SPATA6L: variants seen among roughly 807,000 people sequenced by gnomAD.
SPATA6L encodes spermatogenesis associated 6-like protein.
A neutral mutation model predicts 49.2 loss-of-function variants in SPATA6L; 68 were observed. The ratio of observed to expected loss-of-function variants is 1.38; its 90% CI spans 1.14 to 1.69. SPATA6L has a LOEUF of 1.69. Among genes scored for constraint, SPATA6L ranks in the 40% most tolerant of loss-of-function variants. The pLI is 0.00. For synonymous variants in SPATA6L, 198 were observed against 165.7 expected (o/e 1.19, Z -1.50); for missense variants, 668 against 464.3 (o/e 1.44, Z -4.03).
intron 3 of SPATA6L, among the ~76,000 whole-genome samples, chr9:4,637,463 C>G (rs185293297): frequency 1.3e-5 from 2 of 152,306 alleles, no homozygotes; most frequent in East Asian, 3.9e-4. Context: ...CTGCTTCCAT[C>G]AAGGCTCCAT....
At chr9:4,665,598 A>G (rs1840742174) in intron 1 of SPATA6L, among the ~76,000 whole-genome samples, 1 of 152,226 alleles carries the variant, frequency 6.6e-6, no homozygotes, top group South Asian at 2.1e-4. Flanking sequence ...TCTGTTACTA[A>G]CTACATGGAA....
chr9:4,609,968 G>A (rs1313742627), intron 9 of SPATA6L, among the ~76,000 whole-genome samples: 2 of 151,946 alleles, frequency 1.3e-5, no homozygotes, highest in African/African-American at 4.8e-5. Context: ...CAAAATCAAT[G>A]TACAAAAATC....
At position 4,662,513 on chromosome 9, in the gene SPATA6L, C is replaced by T; in HGVS notation, c.40-477G>A. On this transcript the variant is annotated intron_variant, in intron 1 of 11. Coordinates refer to ENST00000682582, the MANE Select transcript of SPATA6L (RefSeq NM_001353486.2). The surrounding 1 kb of genome is among the most constrained non-coding windows in gnomAD (Gnocchi z 4.9). Reference sequence around the variant, plus strand: ...TTGAGTTCCAGTCCCTGCTCAGCAGCCGCGCCACGGCCGTGGACCCCACCT... The same window carrying T: ...TTGAGTTCCAGTCCCTGCTCAGCAGTCGCGCCACGGCCGTGGACCCCACCT... The T allele has an allele frequency of 6.4e-7, 1 of 1,560,322 alleles. No homozygotes were observed. Among genetic ancestry groups the T allele is most frequent in the East Asian group, 2.3e-5 (1 of 43,374 alleles).
downstream of SPATA6L, among the ~76,000 whole-genome samples, chr9:4,597,460 C>A (rs2129972750): frequency 6.6e-6 from 1 of 152,196 alleles, no homozygotes; most frequent in Admixed American, 6.5e-5. Flanking sequence ...AGAAACTCCT[C>A]ATTTTGTTGA....
At chr9:4,631,230 T>TCCC (rs1831471251) in intron 4 of SPATA6L, among the ~76,000 whole-genome samples, 1 of 152,202 alleles carries the variant, frequency 6.6e-6, no homozygotes, top group African/African-American at 2.4e-5. Context: ...CCAGTCTCCT[T>TCCC]ACCAATGGAA....
chr9:4,611,922 C>T (rs191151251), intron 9 of SPATA6L, among the ~76,000 whole-genome samples: 66 of 152,112 alleles, frequency 4.3e-4, no homozygotes, highest in South Asian at 4.1e-4. Context: ...TAGCTCACTG[C>T]AACCTTGAAC....
intron 3 of SPATA6L, among the ~76,000 whole-genome samples, chr9:4,638,319 C>G (rs1024962901): frequency 1.3e-5 from 2 of 152,088 alleles, no homozygotes; most frequent in Non-Finnish European, 2.9e-5. Context: ...TCAAGTGATT[C>G]TCTTGCCTCA....
intron 2 of SPATA6L, among the ~76,000 whole-genome samples, chr9:4,659,217 C>G (rs1175714599): frequency 5.3e-5 from 8 of 152,186 alleles, no homozygotes; most frequent in Admixed American, 3.3e-4. Flanking sequence ...TTACATACAA[C>G]CTTAGCCCTT....
intron 3 of SPATA6L, among the ~76,000 whole-genome samples, chr9:4,652,487 A>G (rs1837136112): frequency 1.3e-5 from 2 of 152,334 alleles, no homozygotes; most frequent in East Asian, 3.9e-4. Context: ...ACAGCTTCAG[A>G]GTACTTAGGA....
At chr9:4,636,134 A>T (rs1289737001) in intron 3 of SPATA6L, among the ~76,000 whole-genome samples, 1 of 151,316 alleles carries the variant, frequency 6.6e-6, no homozygotes, top group Non-Finnish European at 1.5e-5. Flanking sequence ...CATAATTTGG[A>T]AATACACTGA....
chr9:4,606,936 G>C (rs1479806722), intron 9 of SPATA6L, among the ~76,000 whole-genome samples: 1 of 144,898 alleles, frequency 6.9e-6, no homozygotes, highest in Admixed American at 6.8e-5. Flanking sequence ...AATCAATACA[G>C]AGAAGTGCTT....
Position 4,662,604 on chromosome 9 carries a change from G to T in SPATA6L, c.40-568C>A, listed in dbSNP as rs760313037. The T allele has an allele frequency of 6.3e-7, 1 of 1,594,542 alleles. No homozygotes were observed. Among genetic ancestry groups the T allele is most frequent in the Non-Finnish European group, 8.5e-7 (1 of 1,177,820 alleles). ...CGGCTCCTTCCCCCTGGCCGCGGCG[G>T]GCCCCTCGCAGTCGCCCGCGCCTCC... is the stretch of plus-strand genomic sequence containing the variant. On this transcript the variant is annotated intron_variant, in intron 1 of 11. Coordinates refer to ENST00000682582, the MANE Select transcript of SPATA6L (RefSeq NM_001353486.2). This position sits in a 1 kb window ranked among gnomAD's most constrained non-coding sequence, Gnocchi z 4.9.
intron 8 of SPATA6L, among the ~76,000 whole-genome samples, chr9:4,618,436 C>T (rs1187697940): frequency 6.6e-6 from 1 of 152,130 alleles, no homozygotes; most frequent in Admixed American, 6.5e-5. Context: ...TATTTAAGCG[C>T]TATGGCATAA....
intron 1 of SPATA6L, 73 bp downstream of exon 1, chr9:4,666,139 G>A (rs947866874): frequency 7.1e-7 from 1 of 1,398,840 alleles, no homozygotes; most frequent in Non-Finnish European, 1.0e-6. Flanking sequence ...GTGGGGGAGG[G>A]TTGTTGAAAA....
At chr9:4,594,065 A>G (rs1025047870), downstream of SPATA6L, among the ~76,000 whole-genome samples, 2 of 152,200 alleles carry the variant, frequency 1.3e-5, no homozygotes, top group Non-Finnish European at 2.9e-5. Context: ...CTGATCTCCA[A>G]GCCAAACCTC....
At position 4,608,046 on chromosome 9, in the gene SPATA6L, G is replaced by A. The variant is rs947911435; in HGVS notation, c.996-2606C>T. Among the ~76,000 whole-genome samples the A allele has an allele frequency of 4.7e-5, 7 of 148,202 alleles. No individual in the cohort carries two copies. In the Admixed American group the frequency reaches 4.7e-4, roughly 10 times the overall value. ...ACCAATAAAGATCAAAAGAGACAAA[G>A]AAGGCCATTACATAATGGTAAAGGG... On this transcript the variant is annotated intron_variant, in intron 9 of 11. Coordinates refer to ENST00000682582, the MANE Select transcript of SPATA6L (RefSeq NM_001353486.2).
chr9:4,653,419 T>C (rs1837359410), intron 3 of SPATA6L, among the ~76,000 whole-genome samples: 1 of 152,170 alleles, frequency 6.6e-6, no homozygotes, highest in African/African-American at 2.4e-5. Flanking sequence ...AAAACATAGA[T>C]GTAAGTCTTC....
At chr9:4,645,192 C>T (rs1347147109) in intron 3 of SPATA6L, among the ~76,000 whole-genome samples, 23 of 152,140 alleles carry the variant, frequency 1.5e-4, no homozygotes, top group Non-Finnish European at 2.9e-5. Flanking sequence ...CAAAGTTAAA[C>T]AGTTACCATA....
Position 4,646,413 on chromosome 9 carries a change from C to A in SPATA6L, c.226+9628G>T. On this transcript the variant is annotated intron_variant, in intron 3 of 11. Coordinates refer to ENST00000682582, the MANE Select transcript of SPATA6L (RefSeq NM_001353486.2). ...TTCAAACACAACTCTTAAGTACAGT[C>A]CCCATTTTGACAGGCCAAATTTATT... 3 of 968,848 alleles carry A rather than the reference C, an allele frequency of 3.1e-6. No individual in the cohort carries two copies. In the South Asian group the frequency reaches 5.5e-5, roughly 18 times the overall value. 60.0% of individuals were successfully genotyped at this position (968,848 alleles called of 1,614,324 possible).
Sources: gnomAD v4.1 joint callset for allele counts (sites outside exome capture counted in the v4.1 genomes callset) on GRCh38, gnomAD v4.1.1 for gene constraint, Gnocchi (gnomAD v3.1) non-coding constraint, MANE v1.5 for transcripts, NCBI Gene and HGNC (gene_info 2026-07-23, HGNC 2026-07-21) for gene names.